USH1C: variants seen among roughly 807,000 people sequenced by gnomAD.
The protein encoded by USH1C is USH1 protein network component harmonin, also known as harmonin.
In USH1C, 90 loss-of-function variants were observed where a neutral mutation model predicts 119.3. That is an observed-to-expected ratio of 0.75 (90% CI 0.64 to 0.90). The LOEUF (loss-of-function observed/expected upper bound fraction) is 0.90. Ranked by LOEUF, USH1C falls within the 40% of genes least tolerant of loss-of-function variation. USH1C has a pLI of 0.00. For missense variants in USH1C, 1,165 were observed against 1,167.7 expected, an observed-to-expected ratio of 1.00 and a Z score of 0.03; for synonymous variants, 465 against 443.3, an observed-to-expected ratio of 1.05 and a Z score of -0.62.
At chr11:17,523,572 G>T in intron 9 of USH1C, 94 bp from the exon 10 acceptor site, 1 of 1,235,628 alleles carries the variant, frequency 8.1e-7, no homozygotes, top group Non-Finnish European at 1.2e-6. Flanking sequence ...TGGGTCAGAT[G>T]CTGGATCTTC....
chr11:17,498,730 G>A lies in USH1C; in HGVS notation c.2381-459C>T, dbSNP rs529138216. The stretch of plus-strand genomic sequence containing the variant: ...CTAGGTCTGAGAGGAAATGTCAGAA[G>A]GGGCTTCTCTGACCCCCGCTCAGTC... On this transcript the variant is annotated intron_variant, in intron 23 of 26. Coordinates refer to ENST00000005226, the MANE Select transcript of USH1C (RefSeq NM_153676.4). Among the ~76,000 whole-genome samples, 19 of 152,314 alleles carry A rather than the reference G, an allele frequency of 1.2e-4. 1 individual carries two copies. The South Asian group carries it at 3.9e-3, about 32-fold the overall frequency.
chr11:17,524,405 C>A, intron 9 of USH1C, 46 bp downstream of exon 9: 1 of 1,548,322 alleles, frequency 6.5e-7, no homozygotes. Flanking sequence ...ACAGTCTGAC[C>A]CAATTTCCAG....
At chr11:17,511,788 C>G in intron 16 of USH1C, 114 bp downstream of exon 16, 1 of 1,305,308 alleles carries the variant, frequency 7.7e-7, no homozygotes, top group Non-Finnish European at 1.1e-6. Context: ...GGGCTCACTC[C>G]ACCCTTGTAT....
rs183987093 is a variant in USH1C, at chr11:17,530,183, G to A, written c.387+971C>T. On this transcript the variant is annotated intron_variant, in intron 4 of 26. Transcript: ENST00000005226. Reference sequence around the variant, plus strand: ...CAAGCTTGGCAGCCTGGATTGGGATGTTGATAACAAACCCGCTGGAAGCTC... The same window carrying A: ...CAAGCTTGGCAGCCTGGATTGGGATATTGATAACAAACCCGCTGGAAGCTC... Among the ~76,000 whole-genome samples the A allele has an allele frequency of 7.7e-4, 117 of 152,342 alleles. 2 individuals carry two copies. Among genetic ancestry groups the A allele is most frequent in the Non-Finnish European group, 2.6e-4 (18 of 68,024 alleles).
At chr11:17,525,213 C>A (rs74867563) in intron 8 of USH1C, among the ~76,000 whole-genome samples, 3,844 of 152,282 alleles carry the variant, frequency 0.025, 171 homozygotes, top group African/African-American at 0.087. Context: ...AGCTGCTACT[C>A]ATTGACTAGA....
rs1412653409 is a variant in USH1C at position 17,509,720 on chromosome 11, A to C, written c.1649T>G (p.Met550Arg). Reference sequence around the variant, plus strand: ...GGGAGTCTTGGGGGGATAGTAGAACATGTCCAAAGGGATGTCGTCCAGGTC... The same window carrying C: ...GGGAGTCTTGGGGGGATAGTAGAACCTGTCCAAAGGGATGTCGTCCAGGTC... Reference protein sequence around the residue: ...TTDLDDIPLDMFYYPPKTPSA... With the variant: ...TTDLDDIPLDRFYYPPKTPSA... The change falls in exon 18 of 27, where the codon ATG becomes AGG. Residue 550 changes from methionine (M) to arginine (R), a missense_variant. Transcript: ENST00000005226. 6.3e-7 allele frequency: 1 copy of C among 1,599,690 alleles called. No individual in the cohort carries two copies. The highest frequency in any genetic ancestry group is 8.5e-7 in the Non-Finnish European group (1 of 1,178,866).
rs1591956950 is a variant in USH1C, at chr11:17,498,542, G to A, written c.2381-271C>T. Among the ~76,000 whole-genome samples, 6 of 152,230 alleles carry A rather than the reference G, an allele frequency of 3.9e-5. No individual in the cohort carries two copies. The South Asian group carries it at 1.2e-3, about 32-fold the overall frequency. On this transcript the variant is annotated intron_variant, in intron 23 of 26. Transcript: ENST00000005226. ...TGATGAGCCTCTGTTATTACAGAGG[G>A]ACACAGACCTGCATTTCCAGCACAG...
chr11:17,495,981 C>T (rs545087035), intron 25 of USH1C, among the ~76,000 whole-genome samples: 1 of 151,716 alleles, frequency 6.6e-6, no homozygotes, highest in African/African-American at 2.4e-5. Context: ...AGGTGAGACA[C>T]CACACAGAGG....
At chr11:17,530,422 G>C (rs938954244) in intron 4 of USH1C, among the ~76,000 whole-genome samples, 1 of 152,178 alleles carries the variant, frequency 6.6e-6, no homozygotes, top group African/African-American at 2.4e-5. Context: ...CCACTTACTG[G>C]CCTCTGAGCC....
intron 19 of USH1C, 125 bp downstream of exon 19, chr11:17,505,705 G>A (rs1849621664): frequency 1.4e-6 from 2 of 1,414,824 alleles, no homozygotes; most frequent in Non-Finnish European, 1.9e-6. Context: ...AGAAGGTTAA[G>A]AGATGGCATC....
At chr11:17,538,562 G>C (rs550468265) in intron 1 of USH1C, among the ~76,000 whole-genome samples, 26 of 152,302 alleles carry the variant, frequency 1.7e-4, no homozygotes, top group African/African-American at 5.8e-4. Context: ...CTGTTGCGGG[G>C]ATTAAATGAG....
chr11:17,539,875 C>T (rs1851386992), intron 1 of USH1C, among the ~76,000 whole-genome samples: 1 of 145,528 alleles, frequency 6.9e-6, no homozygotes, highest in Non-Finnish European at 1.5e-5. Flanking sequence ...CTCTGTCACC[C>T]AAGCTGGAGT....
intron 4 of USH1C, among the ~76,000 whole-genome samples, chr11:17,527,580 C>A (rs1194804488): frequency 6.6e-6 from 1 of 152,194 alleles, no homozygotes; most frequent in African/African-American, 2.4e-5. Flanking sequence ...GGGTGAGGGG[C>A]ACAGCGGGTG....
intron 8 of USH1C, among the ~76,000 whole-genome samples, chr11:17,525,160 C>T (rs1049142373): frequency 2.6e-5 from 4 of 152,192 alleles, no homozygotes; most frequent in African/African-American, 7.2e-5. Context: ...TCCCACAATC[C>T]TGGATACAGC....
intron 4 of USH1C, among the ~76,000 whole-genome samples, chr11:17,529,568 T>G (rs958599980): frequency 1.3e-5 from 2 of 152,194 alleles, no homozygotes; most frequent in African/African-American, 4.8e-5. Flanking sequence ...TTCCCGAAGC[T>G]CCTCTGAGTA....
intron 18 of USH1C, 125 bp from the exon 19 acceptor site, chr11:17,506,074 C>T: frequency 7.2e-7 from 1 of 1,383,766 alleles, no homozygotes; most frequent in Non-Finnish European, 1.0e-6. Context: ...GGTCATTCAA[C>T]TGCTCGAGGT....
chr11:17,494,229 A>G lies in USH1C; in HGVS notation c.*103T>C. 2 of 1,378,240 alleles carry G rather than the reference A, an allele frequency of 1.5e-6. No homozygotes were observed. The highest frequency in any genetic ancestry group is 3.9e-5 in the Admixed American group (2 of 50,982). 85.4% of individuals were successfully genotyped at this position (1,378,240 alleles called of 1,614,324 possible). A position where few individuals can be genotyped will look rare whatever the true frequency, so the allele number is the denominator to read the frequency against. ...AGGGAGTTTGAGATTCCTGGGTGATAGATTCAGGTCCCAAGGATGCCATCT... is the reference window on the plus strand; with the variant it reads ...AGGGAGTTTGAGATTCCTGGGTGATGGATTCAGGTCCCAAGGATGCCATCT... On this transcript the variant is annotated 3_prime_UTR_variant, in exon 27 of 27. Transcript: ENST00000005226.
At position 17,527,526 on chromosome 11, in the gene USH1C, A is replaced by G. The variant is rs540946801; in HGVS notation, c.388-195T>C. Among the ~76,000 whole-genome samples, 16 of 152,190 alleles carry G rather than the reference A, an allele frequency of 1.1e-4. No homozygotes were observed. In the East Asian group the frequency reaches 3.1e-3, roughly 30 times the overall value. ...ATCCCAGGTTCAGGTGGCATGTCCA[A>G]GCAGTCTTGTCGCCCCATTTTACAG... is the stretch of plus-strand genomic sequence containing the variant. On this transcript the variant is annotated intron_variant, in intron 4 of 26. Coordinates refer to ENST00000005226, the MANE Select transcript of USH1C (RefSeq NM_153676.4).
Position 17,510,447 on chromosome 11 carries a change from C to T in USH1C, c.1488G>A (p.Thr496=), listed in dbSNP as rs1591980719. The change falls in exon 17 of 27, where the codon ACG becomes ACA. Residue 496 remains threonine, a synonymous_variant. Coordinates refer to ENST00000005226, the MANE Select transcript of USH1C (RefSeq NM_153676.4). Reference sequence around the variant, plus strand: ...CAGCAGAGGAAATCTGCTCGAGGCGCGTTTGACAGAGCCTCTCCACCCAAT... The same window carrying T: ...CAGCAGAGGAAATCTGCTCGAGGCGTGTTTGACAGAGCCTCTCCACCCAAT... The part of the protein sequence containing the change: ...IQYWVERLCQ[T]RLEQISSADN... 12 of 1,612,932 alleles carry T rather than the reference C, an allele frequency of 7.4e-6. No individual in the cohort carries two copies. The highest frequency in any genetic ancestry group is 4.5e-5 in the East Asian group (2 of 44,872).
Sources: allele counts gnomAD v4.1 joint callset (sites outside exome capture counted in the v4.1 genomes callset), GRCh38; gene constraint gnomAD v4.1.1; transcripts MANE v1.5; gene names NCBI Gene and HGNC (gene_info 2026-07-23, HGNC 2026-07-21).